SPPL2A: variants seen among roughly 807,000 people sequenced by gnomAD.
The protein encoded by SPPL2A is signal peptide peptidase like 2A, also known as signal peptide peptidase-like 2A.
Under a neutral mutation model 63.8 loss-of-function variants are expected in SPPL2A, and 51 were observed. The ratio of observed to expected loss-of-function variants is 0.80; its 90% CI spans 0.64 to 1.01. The LOEUF (loss-of-function observed/expected upper bound fraction) is 1.01, where lower values mean the gene tolerates loss of function less well. Ranked by LOEUF, SPPL2A falls within the 50% of genes least tolerant of loss-of-function variation. SPPL2A has a pLI of 0.00. For missense variants in SPPL2A, 553 were observed against 622.7 expected (o/e 0.89, Z 1.19); for synonymous variants, 188 against 205.8 (o/e 0.91, Z 0.74).
intron 1 of SPPL2A, among the ~76,000 whole-genome samples, chr15:50,758,440 C>G (rs2062980057): frequency 6.6e-6 from 1 of 151,738 alleles, no homozygotes; most frequent in South Asian, 2.1e-4. Flanking sequence ...TCACGCCATT[C>G]TCCTGCCTCA....
At position 50,765,527 on chromosome 15, in the gene SPPL2A, G is replaced by A. The variant is rs1000099864; in HGVS notation, c.7C>T (p.Pro3Ser). 4.0e-6 allele frequency: 6 copies of A among 1,498,148 alleles called. No individual in the cohort carries two copies. Among genetic ancestry groups the A allele is most frequent in the Non-Finnish European group, 4.4e-6 (5 of 1,131,470 alleles). The allele number at this position is 1,498,148 out of a possible 1,614,324, so 92.8% of individuals were successfully genotyped here. Residue 3 changes from proline (P) to serine (S), a missense_variant, in exon 1 of 15, where the codon CCG becomes TCG. Transcript: ENST00000261854. ...CCGGCAGGGGACAGCCGCCGCTGCG[G>A]CCCCATCGGACTGGTGGGTGCCGGG... MG[P>S]QRRLSPAGAA... is the part of the protein sequence containing the mutation.
chr15:50,748,342 T>A (rs924066158), intron 3 of SPPL2A, 140 bp from the exon 4 acceptor site: 7 of 432,626 alleles, frequency 1.6e-5, no homozygotes, highest in African/African-American at 1.5e-4. Context: ...ACACTCTAAG[T>A]TCTCAAAATT....
chr15:50,738,321 G>A (rs1327742077), intron 6 of SPPL2A, among the ~76,000 whole-genome samples: 3 of 152,196 alleles, frequency 2.0e-5, no homozygotes, highest in Non-Finnish European at 4.4e-5. Flanking sequence ...GGCCAAGGCA[G>A]GTGGATCACT....
rs1883163336 is a variant in SPPL2A at position 50,723,755 on chromosome 15, C to T, written c.1249+1466G>A. ...TCTCCCAAAGGGCCGGGATTACAGGCATGAGCCGCCAAGCTCGGCTCATGC... is the reference window on the plus strand; with the variant it reads ...TCTCCCAAAGGGCCGGGATTACAGGTATGAGCCGCCAAGCTCGGCTCATGC... On this transcript the variant is annotated intron_variant, in intron 12 of 14. Coordinates refer to ENST00000261854, the MANE Select transcript of SPPL2A (RefSeq NM_032802.4). Among the ~76,000 whole-genome samples the T allele has an allele frequency of 2.6e-5, 4 of 152,236 alleles. No homozygotes were observed. The South Asian group carries it at 8.3e-4, about 31-fold the overall frequency.
chr15:50,711,206 CTTTT>C (rs1302695528), intron 14 of SPPL2A, among the ~76,000 whole-genome samples: 2 of 115,588 alleles, frequency 1.7e-5, no homozygotes, highest in Admixed American at 8.6e-5. Flanking sequence ...AATTAGTATC[CTTTT>C]TTTTTTTTTT....
At chr15:50,753,001 A>G (rs1435037638) in intron 1 of SPPL2A, among the ~76,000 whole-genome samples, 1 of 152,160 alleles carries the variant, frequency 6.6e-6, no homozygotes, top group Non-Finnish European at 1.5e-5. Flanking sequence ...CAGATATAGT[A>G]TGCAAAAGCA....
chr15:50,719,929 T>A lies in SPPL2A; in HGVS notation c.1488+11A>T, dbSNP rs2062631102. The A allele has an allele frequency of 2.5e-6, 4 of 1,598,054 alleles. No individual in the cohort carries two copies. Among genetic ancestry groups the A allele is most frequent in the Non-Finnish European group, 3.4e-6 (4 of 1,173,424 alleles). ...ATAAGATAACTTGGTAACCAAAGTA[T>A]AAGCACATACCTGATAGCTGTTACC... On this transcript the variant is annotated intron_variant, in intron 14 of 14. Coordinates refer to ENST00000261854, the MANE Select transcript of SPPL2A (RefSeq NM_032802.4).
At chr15:50,765,061 AT>A (rs200332819) in intron 1 of SPPL2A, among the ~76,000 whole-genome samples, 1,865 of 151,848 alleles carry the variant, frequency 0.012, 51 homozygotes, top group African/African-American at 0.043. Context: ...GCCTTGTATA[AT>A]TTTTTTTTCT....
intron 14 of SPPL2A, among the ~76,000 whole-genome samples, chr15:50,718,997 C>T (rs2062622219): frequency 6.6e-6 from 1 of 151,968 alleles, no homozygotes; most frequent in Non-Finnish European, 1.5e-5. Context: ...ATGGCCCTGA[C>T]CTCAATAGGC....
chr15:50,758,645 G>A (rs1176978730), intron 1 of SPPL2A, among the ~76,000 whole-genome samples: 2 of 151,966 alleles, frequency 1.3e-5, no homozygotes, highest in East Asian at 3.9e-4. Context: ...ATTTACATTA[G>A]AATTCACAAA....
intron 5 of SPPL2A, chr15:50,742,621 CCTTTA>C (rs1567162105): frequency 6.6e-6 from 1 of 152,000 alleles, no homozygotes; most frequent in East Asian, 1.9e-4. Flanking sequence ...GGAACTTTTT[CCTTTA>C]CATCACTGAT....
rs1196710672 is a variant in SPPL2A, at chr15:50,703,356, A to ATATATATATATATTT, written c.*4443_*4444insAAATATATATATATA. The ATATATATATATATTT allele has an allele frequency of 1.6e-5, 1 of 62,046 alleles. No individual in the cohort carries two copies. Among genetic ancestry groups the ATATATATATATATTT allele is most frequent in the African/African-American group, 7.0e-5 (1 of 14,228 alleles). The allele number at this position is 62,046 out of a possible 1,614,324, so 3.8% of individuals were successfully genotyped here. On this transcript the variant is annotated 3_prime_UTR_variant, in exon 15 of 15. Transcript: ENST00000261854. ...TATATATATATATATACATATATATATTTTTTTTTTTTTTTTTTTTTTTTG... is the reference window on the plus strand; with the variant it reads ...TATATATATATATATACATATATATATATATATATATATTTTTTTTTTTTTTTTTTTTTTTTTTTG...
At position 50,702,709 on chromosome 15, in the gene SPPL2A, C is replaced by T. The variant is rs1394163384; in HGVS notation, c.*5091G>A. 6.6e-6 allele frequency: 1 copy of T among 152,124 alleles called. No homozygotes were observed. Among genetic ancestry groups the T allele is most frequent in the Non-Finnish European group, 1.5e-5 (1 of 68,016 alleles). The allele number at this position is 152,124 out of a possible 1,614,324, so 9.4% of individuals were successfully genotyped here. ...ATACTTTTTATGCCTAATCAAAGAA[C>T]CACATAATGACATTTTGTGGGTTGC... is the stretch of plus-strand genomic sequence containing the variant. On this transcript the variant is annotated 3_prime_UTR_variant, in exon 15 of 15. Coordinates refer to ENST00000261854, the MANE Select transcript of SPPL2A (RefSeq NM_032802.4).
rs57100103 is a variant in SPPL2A, at chr15:50,757,089, C to CTTTTTTTTTTTTTTTTTTT, written c.67-7344_67-7343insAAAAAAAAAAAAAAAAAAA. Among the ~76,000 whole-genome samples, 794 of 128,244 alleles carry CTTTTTTTTTTTTTTTTTTT rather than the reference C, an allele frequency of 6.2e-3. 27 individuals carry two copies. Among genetic ancestry groups the CTTTTTTTTTTTTTTTTTTT allele is most frequent in the Non-Finnish European group, 9.0e-3 (557 of 61,582 alleles). The allele number at this position is 128,244 out of a possible 152,430, so 84.1% of individuals were successfully genotyped here. The stretch of plus-strand genomic sequence containing the variant: ...GTTCCTCCCACATCCTAAATCCTTT[C>CTTTTTTTTTTTTTTTTTTT]TTTTTTTTTTTGAGACAGAGTCTCA... On this transcript the variant is annotated intron_variant, in intron 1 of 14. Coordinates refer to ENST00000261854, the MANE Select transcript of SPPL2A (RefSeq NM_032802.4).
At chr15:50,722,398 G>T (rs1376162856) in intron 12 of SPPL2A, among the ~76,000 whole-genome samples, 197 bp from the exon 13 acceptor site, 1 of 152,052 alleles carries the variant, frequency 6.6e-6, no homozygotes, top group Non-Finnish European at 1.5e-5. Flanking sequence ...ATTTCCTCAA[G>T]CTATTAAATA....
intron 14 of SPPL2A, among the ~76,000 whole-genome samples, chr15:50,712,679 C>CCCCCCCCCCT (rs35199045): frequency 2.9e-5 from 3 of 102,936 alleles, no homozygotes; most frequent in Non-Finnish European, 5.6e-5. Context: ...CTCCCCCCCC[C>CCCCCCCCCCT]TTTTTTTTTT....
chr15:50,741,527 C>T (rs1181317438), intron 5 of SPPL2A, among the ~76,000 whole-genome samples: 1 of 151,908 alleles, frequency 6.6e-6, no homozygotes, highest in Non-Finnish European at 1.5e-5. Context: ...ATATCTGTCA[C>T]TACAGAAATA....
rs1051872975 is a variant in SPPL2A, at chr15:50,702,696, C to T, written c.*5104G>A. 2 of 152,124 alleles carry T rather than the reference C, an allele frequency of 1.3e-5. No individual in the cohort carries two copies. The highest frequency in any genetic ancestry group is 2.9e-5 in the Non-Finnish European group (2 of 68,020). The allele number at this position is 152,124 out of a possible 1,614,324, so 9.4% of individuals were successfully genotyped here. On this transcript the variant is annotated 3_prime_UTR_variant, in exon 15 of 15. Coordinates refer to ENST00000261854, the MANE Select transcript of SPPL2A (RefSeq NM_032802.4). ...AAAGCTGTTTGCAATACTTTTTATG[C>T]CTAATCAAAGAACCACATAATGACA...
At chr15:50,723,439 A>C (rs2062663092) in intron 12 of SPPL2A, among the ~76,000 whole-genome samples, 1 of 152,210 alleles carries the variant, frequency 6.6e-6, no homozygotes, top group South Asian at 2.1e-4. Flanking sequence ...GAATAAAAAA[A>C]TGTGGTACAT....
Sources: gnomAD v4.1 joint callset for allele counts (sites outside exome capture counted in the v4.1 genomes callset) on GRCh38, gnomAD v4.1.1 for gene constraint, MANE v1.5 for transcripts, NCBI Gene and HGNC (gene_info 2026-07-23, HGNC 2026-07-21) for gene names.